The following PRR29 variants were observed in gnomAD, a reference collection of about 807,000 sequenced individuals.
PRR29 encodes proline rich 29, also known as proline-rich protein 29.
A neutral mutation model predicts 25.1 loss-of-function variants in PRR29; 20 were observed. The ratio of observed to expected loss-of-function variants is 0.80; its 90% CI spans 0.56 to 1.16. The LOEUF is 1.16. Among genes scored for constraint, PRR29 ranks in the 50% most tolerant of loss-of-function variants. PRR29 has a pLI of 0.00. For missense variants in PRR29, 238 were observed against 246.6 expected (o/e 0.97, Z 0.23); for synonymous variants, 108 against 102.6 (o/e 1.05, Z -0.32).
chr17:64,001,976 G>A lies in PRR29; in HGVS notation c.*215G>A, dbSNP rs1910804634. ...GGGCCGGATCTGTGCTGTTGTGTAAGAGCTCCCTAGAGCACCACCCAGGCC... is the reference window on the plus strand; with the variant it reads ...GGGCCGGATCTGTGCTGTTGTGTAAAAGCTCCCTAGAGCACCACCCAGGCC... On this transcript the variant is annotated 3_prime_UTR_variant, in exon 6 of 6. Transcript: ENST00000412177. 6.5e-7 allele frequency: 1 copy of A among 1,534,572 alleles called. No individual in the cohort carries two copies.
In PRR29 at chr17:63,998,707, C is replaced by G; in HGVS notation, c.61C>G (p.Pro21Ala). 4 of 1,521,592 alleles carry G rather than the reference C, an allele frequency of 2.6e-6. No homozygotes were observed. The highest frequency in any genetic ancestry group is 3.5e-6 in the Non-Finnish European group (4 of 1,137,854). The allele number at this position is 1,521,592 out of a possible 1,614,324, so 94.3% of individuals were successfully genotyped here. ...RSPPQSAVPT[P>A]WVTFLQPLSW... The stretch of plus-strand genomic sequence containing the variant: ...TGGCTGACTCCGCGCACACCCCCAG[C>G]CCTGGGTCACCTTCCTGCAGCCCCT... The change falls in exon 2 of 6, where the codon CCC becomes GCC. Residue 21 changes from proline (P) to alanine (A), a missense_variant and splice_region_variant. Physicochemically the swap from Pro to Ala is conservative, Grantham distance 27 (BLOSUM62 -1). Transcript: ENST00000412177.
In PRR29 at chr17:64,003,620, C is replaced by G; in HGVS notation, c.*1859C>G. The G allele has an allele frequency of 6.3e-7, 1 of 1,597,904 alleles. No homozygotes were observed. The highest frequency in any genetic ancestry group is 8.5e-7 in the Non-Finnish European group (1 of 1,170,420). On this transcript the variant is annotated 3_prime_UTR_variant, in exon 6 of 6. Coordinates refer to ENST00000412177, the MANE Select transcript of PRR29 (RefSeq NM_001164257.2). ...GCTGAAAGTGACTTATCACTCCCAA[C>G]TCCATCCACGGATCCCCCCTCACCA...
At position 64,003,811 on chromosome 17, in the gene PRR29, A is replaced by G; in HGVS notation, c.*2050A>G. 6.2e-7 allele frequency: 1 copy of G among 1,614,206 alleles called. No individual in the cohort carries two copies. Among genetic ancestry groups the G allele is most frequent in the Non-Finnish European group, 8.5e-7 (1 of 1,180,054 alleles). On this transcript the variant is annotated 3_prime_UTR_variant, in exon 6 of 6. Transcript: ENST00000412177. ...CTGCGGAGCAGGGGCTGCCTTCCCGAAGGTCTCATAGTGCAGAGTCTCATT... is the reference window on the plus strand; with the variant it reads ...CTGCGGAGCAGGGGCTGCCTTCCCGGAGGTCTCATAGTGCAGAGTCTCATT...
In PRR29 at chr17:64,001,460, A is replaced by C; in HGVS notation, c.471-7A>C. 6.7e-7 allele frequency: 1 copy of C among 1,496,256 alleles called. No homozygotes were observed. The highest frequency in any genetic ancestry group is 8.9e-7 in the Non-Finnish European group (1 of 1,127,182). The allele number at this position is 1,496,256 out of a possible 1,614,324, so 92.7% of individuals were successfully genotyped here. A position where few individuals can be genotyped will look rare whatever the true frequency, so the allele number is the denominator to read the frequency against. On this transcript the variant is annotated splice_polypyrimidine_tract_variant and splice_region_variant and intron_variant, in intron 4 of 5. Coordinates refer to ENST00000412177, the MANE Select transcript of PRR29 (RefSeq NM_001164257.2). Reference sequence around the variant, plus strand: ...TGATGGGGGTCTTTTTCTTTCCCCCATCTCAGGAGAGCTGTGCCCCCACCC... The same window carrying C: ...TGATGGGGGTCTTTTTCTTTCCCCCCTCTCAGGAGAGCTGTGCCCCCACCC...
rs1910783237 is a variant in PRR29 at position 64,001,771 on chromosome 17, C to A, written c.*10C>A. ...CGAGAGCCTCCTATGAGGACAGACC[C>A]CGGCCCTGGGAACTGCACCAGCTTC... On this transcript the variant is annotated 3_prime_UTR_variant, in exon 6 of 6. Coordinates refer to ENST00000412177, the MANE Select transcript of PRR29 (RefSeq NM_001164257.2). The A allele has an allele frequency of 5.2e-6, 8 of 1,537,046 alleles. No individual in the cohort carries two copies. Among genetic ancestry groups the A allele is most frequent in the Non-Finnish European group, 6.1e-6 (7 of 1,146,898 alleles).
chr17:63,998,797 T>TCCACCC lies in PRR29; in HGVS notation c.136+17_136+18insACCCCC. ...CGTGAAGGAAGGTGAGACTCCCGGG[T>TCCACCC]CCCCCCACCCCACCCCCACCATCAC... On this transcript the variant is annotated intron_variant, in intron 2 of 5. Transcript: ENST00000412177. The TCCACCC allele has an allele frequency of 9.4e-7, 1 of 1,062,606 alleles. No individual in the cohort carries two copies. Among genetic ancestry groups the TCCACCC allele is most frequent in the Admixed American group, 2.2e-5 (1 of 44,876 alleles). 65.8% of individuals were successfully genotyped at this position (1,062,606 alleles called of 1,614,324 possible).
intron 3 of PRR29, chr17:63,999,493 C>T (rs1046975136): frequency 8.8e-6 from 2 of 228,454 alleles, no homozygotes; most frequent in Non-Finnish European, 1.8e-5. Context: ...GCTGTGATGG[C>T]ACATGGAGAG....
rs930144582 is a variant in PRR29 at position 63,998,358 on chromosome 17, G to A, written c.-7G>A. 1 of 1,531,024 alleles carries A rather than the reference G, an allele frequency of 6.5e-7. No individual in the cohort carries two copies. Among genetic ancestry groups the A allele is most frequent in the Admixed American group, 2.0e-5 (1 of 50,388 alleles). 94.8% of individuals were successfully genotyped at this position (1,531,024 alleles called of 1,614,324 possible). A position where few individuals can be genotyped will look rare whatever the true frequency, so the allele number is the denominator to read the frequency against. ...CCTCGGCGTCGCCAAGGCAACCGGC[G>A]CCAGCCATGGCCTCTGGGGCGGGCG... On this transcript the variant is annotated 5_prime_UTR_variant, in exon 1 of 6. Transcript: ENST00000412177.
chr17:64,002,747 C>A lies in PRR29; in HGVS notation c.*986C>A. Reference sequence around the variant, plus strand: ...GTGGTGGCCATGCCACTCATGGTTGCTATGGCCGGAAGGCCTGGGGCAGCC... The same window carrying A: ...GTGGTGGCCATGCCACTCATGGTTGATATGGCCGGAAGGCCTGGGGCAGCC... On this transcript the variant is annotated 3_prime_UTR_variant, in exon 6 of 6. Coordinates refer to ENST00000412177, the MANE Select transcript of PRR29 (RefSeq NM_001164257.2). 6.2e-7 allele frequency: 1 copy of A among 1,610,428 alleles called. No homozygotes were observed. The highest frequency in any genetic ancestry group is 8.5e-7 in the Non-Finnish European group (1 of 1,179,336).
chr17:63,998,379 G>T lies in PRR29; in HGVS notation c.15G>T (p.Ala5=), dbSNP rs1910259578. Residue 5 remains alanine (A), a synonymous_variant, in exon 1 of 6, where the codon GCG becomes GCT. Transcript: ENST00000412177. The stretch of plus-strand genomic sequence containing the variant: ...CGGCGCCAGCCATGGCCTCTGGGGC[G>T]GGCGGAAGCTGGGGTCGCTCCCCAC... MASG[A]GGSWGRSPPQ... 2 of 1,525,808 alleles carry T rather than the reference G, an allele frequency of 1.3e-6. No individual in the cohort carries two copies. Among genetic ancestry groups the T allele is most frequent in the African/African-American group, 1.4e-5 (1 of 72,818 alleles). 94.5% of individuals were successfully genotyped at this position (1,525,808 alleles called of 1,614,324 possible).
chr17:64,001,478 C>T lies in PRR29; in HGVS notation c.482C>T (p.Pro161Leu), dbSNP rs1910740133. ...TTCCCCCATCTCAGGAGAGCTGTGC[C>T]CCCACCCCCACCCCCCAGTGCCACA... The part of the protein sequence containing the change: ...ASREREVRAV[P>L]PPPPPSATGT... Residue 161 changes from proline (P) to leucine (L), a missense_variant, in exon 5 of 6, where the codon CCC (proline) becomes CTC (leucine). Pro to Leu is a moderately conservative substitution (Grantham distance 98, BLOSUM62 -3). Transcript: ENST00000412177. 1.4e-6 allele frequency: 2 copies of T among 1,475,322 alleles called. No individual in the cohort carries two copies. Among genetic ancestry groups the T allele is most frequent in the Non-Finnish European group, 1.8e-6 (2 of 1,119,234 alleles). The allele number at this position is 1,475,322 out of a possible 1,614,324, so 91.4% of individuals were successfully genotyped here.
intron 3 of PRR29, chr17:64,000,802 A>T (rs377627080): frequency 7.8e-6 from 3 of 383,452 alleles, no homozygotes; most frequent in Non-Finnish European, 1.4e-5. Context: ...ACAGGCGCCC[A>T]CCACCATGCC....
Position 64,002,110 on chromosome 17 carries a change from A to T in PRR29, c.*349A>T. The T allele has an allele frequency of 9.6e-7, 1 of 1,042,078 alleles. No individual in the cohort carries two copies. The allele number at this position is 1,042,078 out of a possible 1,614,324, so 64.6% of individuals were successfully genotyped here. ...CTCCCTCACCCCTCTCTCTGGGATGATGAGGTCTCCTTCCAGCCTAGTAAT... is the reference window on the plus strand; with the variant it reads ...CTCCCTCACCCCTCTCTCTGGGATGTTGAGGTCTCCTTCCAGCCTAGTAAT... On this transcript the variant is annotated 3_prime_UTR_variant, in exon 6 of 6. Coordinates refer to ENST00000412177, the MANE Select transcript of PRR29 (RefSeq NM_001164257.2).
chr17:64,004,069 G>A lies in PRR29; in HGVS notation c.*2308G>A. On this transcript the variant is annotated 3_prime_UTR_variant, in exon 6 of 6. Transcript: ENST00000412177. ...TGTCACCATGGTGTTCCACGGTTGG[G>A]GAGGAGGTGGCCTGGCCGGCTCCAG... is the stretch of plus-strand genomic sequence containing the variant. 1.1e-6 allele frequency: 1 copy of A among 890,516 alleles called. No homozygotes were observed. The allele number at this position is 890,516 out of a possible 1,614,324, so 55.2% of individuals were successfully genotyped here.
chr17:64,002,146 G>T lies in PRR29; in HGVS notation c.*385G>T. On this transcript the variant is annotated 3_prime_UTR_variant, in exon 6 of 6. Transcript: ENST00000412177. ...TTCCAGCCTAGTAATGGAGCAAGAG[G>T]GGAGGGGGGGATTCCTTCTGCTTTC... 1 of 805,566 alleles carries T rather than the reference G, an allele frequency of 1.2e-6. No individual in the cohort carries two copies. Among genetic ancestry groups the T allele is most frequent in the Non-Finnish European group, 1.9e-6 (1 of 523,328 alleles). The allele number at this position is 805,566 out of a possible 1,614,324, so 49.9% of individuals were successfully genotyped here.
Position 64,003,651 on chromosome 17 carries a change from C to T in PRR29, c.*1890C>T. The T allele has an allele frequency of 6.2e-7, 1 of 1,612,862 alleles. No homozygotes were observed. Among genetic ancestry groups the T allele is most frequent in the Non-Finnish European group, 8.5e-7 (1 of 1,179,270 alleles). ...CCACGGATCCCCCCTCACCATAGAT[C>T]TCCAACATCTTCGGGGCTGAGTGTT... On this transcript the variant is annotated 3_prime_UTR_variant, in exon 6 of 6. Coordinates refer to ENST00000412177, the MANE Select transcript of PRR29 (RefSeq NM_001164257.2).
chr17:63,999,081 G>A lies in PRR29; in HGVS notation c.243+7G>A. The stretch of plus-strand genomic sequence containing the variant: ...TGCCTCGCCCTGCCCTCAGGTGCGT[G>A]TGGGTGGGCCGCCGGGGTCGCTCAC... On this transcript the variant is annotated splice_region_variant and intron_variant, in intron 3 of 5. Transcript: ENST00000412177. The A allele has an allele frequency of 6.5e-7, 1 of 1,533,858 alleles. No homozygotes were observed. Among genetic ancestry groups the A allele is most frequent in the East Asian group, 2.4e-5 (1 of 40,848 alleles).
At position 64,003,243 on chromosome 17, in the gene PRR29, C is replaced by A. The variant is rs1234531422; in HGVS notation, c.*1482C>A. 3 of 437,542 alleles carry A rather than the reference C, an allele frequency of 6.9e-6. No individual in the cohort carries two copies. The Admixed American group carries it at 1.1e-4, about 17-fold the overall frequency. The allele number at this position is 437,542 out of a possible 1,614,324, so 27.1% of individuals were successfully genotyped here. A position where few individuals can be genotyped will look rare whatever the true frequency, so the allele number is the denominator to read the frequency against. ...GGCCTGGAGGGTGGCATGGTCCCAG[C>A]CAAGCCCCTTCTTGGGCAGAGCTGA... On this transcript the variant is annotated 3_prime_UTR_variant, in exon 6 of 6. Transcript: ENST00000412177.
In PRR29 at chr17:64,001,171, CACT is replaced by C. The variant is rs1455273133; in HGVS notation, c.335_337del (p.Tyr112del). ...GAAAGGGCCTTTGGTGTTTCACCACCACTACTTGCCCTATTTGATGCCCTCCCC... is the reference window on the plus strand; with the variant it reads ...GAAAGGGCCTTTGGTGTTTCACCACCACTTGCCCTATTTGATGCCCTCCCC... On this transcript the variant is annotated inframe_deletion, in exon 4 of 6. Coordinates refer to ENST00000412177, the MANE Select transcript of PRR29 (RefSeq NM_001164257.2). The C allele has an allele frequency of 5.2e-6, 8 of 1,537,438 alleles. No homozygotes were observed. The East Asian group carries it at 9.8e-5, about 19-fold the overall frequency.
Sources: gnomAD v4.1 joint callset for allele counts on GRCh38, gnomAD v4.1.1 for gene constraint, MANE v1.5 for transcripts, NCBI Gene and HGNC (gene_info 2026-07-23, HGNC 2026-07-21) for gene names.